PDE4B: variants seen among roughly 807,000 people sequenced by gnomAD.
The protein encoded by PDE4B is 3',5'-cyclic-AMP phosphodiesterase 4B.
Under a neutral mutation model 82.2 loss-of-function variants are expected in PDE4B, and 20 were observed. The ratio of observed to expected loss-of-function variants is 0.24; its 90% CI spans 0.17 to 0.35. PDE4B has a LOEUF of 0.35. Ranked by LOEUF, PDE4B falls within the 10% of genes least tolerant of loss-of-function variation. PDE4B has a pLI of 1.00. For synonymous variants in PDE4B, 320 were observed against 318.9 expected (o/e 1.00, Z -0.04); for missense variants, 655 against 907.2 (o/e 0.72, Z 3.57).
At position 66,307,371 on chromosome 1, in the gene PDE4B, G is replaced by T. The variant is rs1197023948; in HGVS notation, c.635-25137G>T. Among the ~76,000 whole-genome samples, 7 of 152,068 alleles carry T rather than the reference G, an allele frequency of 4.6e-5. 1 individual carries two copies. The stretch of plus-strand genomic sequence containing the variant: ...TGAGGATAGTACTGAAATTGGTGAG[G>T]TCCTGCAAGAAACTAGAGGAGACAG... On this transcript the variant is annotated intron_variant, in intron 7 of 16. Coordinates refer to ENST00000341517, the MANE Select transcript of PDE4B (RefSeq NM_002600.4).
At chr1:66,248,328 A>G (rs945477396) in intron 4 of PDE4B, among the ~76,000 whole-genome samples, 15 of 152,238 alleles carry the variant, frequency 9.9e-5, no homozygotes, top group Admixed American at 9.2e-4. Flanking sequence ...TGGATTCTGG[A>G]ATTCATGCCT....
intron 1 of PDE4B, among the ~76,000 whole-genome samples, chr1:65,873,152 T>A (rs913030654): frequency 6.6e-6 from 1 of 152,098 alleles, no homozygotes; most frequent in Non-Finnish European, 1.5e-5. Flanking sequence ...CAGATGTAAG[T>A]AAAGCGTACT....
intron 3 of PDE4B, among the ~76,000 whole-genome samples, chr1:66,051,869 TAAAAG>T (rs1197300409): frequency 2.6e-5 from 4 of 152,180 alleles, no homozygotes; most frequent in African/African-American, 9.7e-5. Context: ...AGATACCTCT[TAAAAG>T]AAACACTTCC....
intron 8 of PDE4B, among the ~76,000 whole-genome samples, chr1:66,342,549 A>T (rs1302600069): frequency 1.5e-4 from 19 of 127,170 alleles, no homozygotes; most frequent in Admixed American, 1.2e-3. Context: ...GTCTCTAATT[A>T]AAAAAAAAAA....
At chr1:66,168,062 T>C (rs937333475) in intron 3 of PDE4B, among the ~76,000 whole-genome samples, 6 of 152,228 alleles carry the variant, frequency 3.9e-5, no homozygotes, top group African/African-American at 1.2e-4. Context: ...CAAAATATTA[T>C]TTTCATGAAA....
At chr1:66,100,578 T>C (rs1304979533) in intron 3 of PDE4B, among the ~76,000 whole-genome samples, 3 of 152,182 alleles carry the variant, frequency 2.0e-5, no homozygotes, top group Non-Finnish European at 4.4e-5. Context: ...GAATTGTCTG[T>C]AGCTTGCCAG....
intron 1 of PDE4B, among the ~76,000 whole-genome samples, chr1:65,844,426 CAG>C (rs993556792): frequency 4.6e-5 from 7 of 152,130 alleles, no homozygotes; most frequent in African/African-American, 1.4e-4. Context: ...AATGTTGTCT[CAG>C]AGCTGGACTC....
At chr1:66,103,924 T>A (rs1400223740) in intron 3 of PDE4B, among the ~76,000 whole-genome samples, 1 of 152,126 alleles carries the variant, frequency 6.6e-6, no homozygotes, top group African/African-American at 2.4e-5. Context: ...AGGCATTATT[T>A]TTTTATTATT....
chr1:66,103,911 G>C (rs930098886), intron 3 of PDE4B, among the ~76,000 whole-genome samples: 4 of 151,730 alleles, frequency 2.6e-5, no homozygotes, highest in Non-Finnish European at 5.9e-5. Flanking sequence ...AATTAAGATC[G>C]AGAGGCATTA....
intron 7 of PDE4B, among the ~76,000 whole-genome samples, chr1:66,276,833 A>G (rs533928762): frequency 1.3e-5 from 2 of 152,352 alleles, no homozygotes; most frequent in African/African-American, 2.4e-5. Flanking sequence ...ACAGAATGCT[A>G]TGATATTGGC....
chr1:66,137,327 G>T (rs1407388485), intron 3 of PDE4B, among the ~76,000 whole-genome samples: 1 of 152,098 alleles, frequency 6.6e-6, no homozygotes, highest in African/African-American at 2.4e-5. Flanking sequence ...TTAGAAGGAG[G>T]GGTAGCTCAT....
intron 3 of PDE4B, among the ~76,000 whole-genome samples, chr1:66,060,375 CTTG>C (rs1222272290): frequency 6.6e-6 from 1 of 152,140 alleles, no homozygotes; most frequent in Non-Finnish European, 1.5e-5. Context: ...TAGTACAATA[CTTG>C]TTGTTTCCTT....
intron 1 of PDE4B, among the ~76,000 whole-genome samples, chr1:65,884,306 A>C (rs1338686160): frequency 6.6e-6 from 1 of 152,074 alleles, no homozygotes; most frequent in East Asian, 1.9e-4. Context: ...TTTGGTTGGT[A>C]GGCTATTAAT....
chr1:66,254,231 A>G (rs1570564208), intron 4 of PDE4B, among the ~76,000 whole-genome samples: 1 of 152,144 alleles, frequency 6.6e-6, no homozygotes, highest in Non-Finnish European at 1.5e-5. Context: ...AAAAAAAAAG[A>G]AAGAAAGAAG....
chr1:65,996,207 A>G (rs1277259225), intron 3 of PDE4B, among the ~76,000 whole-genome samples: 2 of 152,158 alleles, frequency 1.3e-5, no homozygotes, highest in Non-Finnish European at 2.9e-5. Flanking sequence ...TCTTTAACAT[A>G]TGGGAATCTG....
intron 3 of PDE4B, among the ~76,000 whole-genome samples, chr1:66,174,554 G>A (rs1264008571): frequency 3.3e-5 from 5 of 151,944 alleles, no homozygotes; most frequent in African/African-American, 1.2e-4. Flanking sequence ...TCAGGAGTTC[G>A]AGACCAGCCT....
rs76703080 is a variant in PDE4B at position 66,192,451 on chromosome 1, T to C, written c.282-55009T>C. Among the ~76,000 whole-genome samples, 244 of 152,282 alleles carry C rather than the reference T, an allele frequency of 1.6e-3. 4 individuals are homozygous for C. In the East Asian group the frequency reaches 0.037, roughly 23 times the overall value. ...TGCATCCTCCTAGCTCTTCTCACTG[T>C]ACTGTCCTTACTGTTTGCTTGTCCA... On this transcript the variant is annotated intron_variant, in intron 3 of 16. Transcript: ENST00000341517.
chr1:65,854,868 T>G (rs1307735032), intron 1 of PDE4B, among the ~76,000 whole-genome samples: 2 of 151,850 alleles, frequency 1.3e-5, no homozygotes, highest in African/African-American at 4.8e-5. Context: ...GGTCATTGAG[T>G]TTTTGTTTAT....
At chr1:66,369,052 A>G in intron 16 of PDE4B, 83 bp downstream of exon 16, 6 of 1,048,816 alleles carry the variant, frequency 5.7e-6, no homozygotes, top group Non-Finnish European at 8.1e-6. Context: ...CGTTTTTCCA[A>G]TAGAATATGT....
Sources: allele counts gnomAD v4.1 joint callset (sites outside exome capture counted in the v4.1 genomes callset), GRCh38; gene constraint gnomAD v4.1.1; transcripts MANE v1.5; gene names NCBI Gene and HGNC (gene_info 2026-07-23, HGNC 2026-07-21).